TRPV1: variants seen among roughly 807,000 people sequenced by gnomAD.
The protein encoded by TRPV1 is transient receptor potential cation channel subfamily V member 1.
A neutral mutation model predicts 82.3 loss-of-function variants in TRPV1; 82 were observed. The observed-to-expected ratio is 1.00, with a 90% confidence interval of 0.83 to 1.20. The LOEUF (loss-of-function observed/expected upper bound fraction) is 1.20, where lower values mean the gene tolerates loss of function less well. Among genes scored for constraint, TRPV1 ranks in the 50% most tolerant of loss-of-function variants. The probability of loss-of-function intolerance (pLI) is 0.00; values close to 1 mark genes in which losing one functional copy is unlikely to be tolerated. For synonymous variants in TRPV1, 515 were observed against 467.7 expected (o/e 1.10, Z -1.30); for missense variants, 1,067 against 1,096.8 (o/e 0.97, Z 0.38).
At chr17:3,584,292 A>G (rs1166055421) in intron 9 of TRPV1, among the ~76,000 whole-genome samples, 1 of 151,386 alleles carries the variant, frequency 6.6e-6, no homozygotes, top group Admixed American at 6.6e-5. Context: ...AACAAAAAAA[A>G]AGAGGGAGGC....
intron 13 of TRPV1, among the ~76,000 whole-genome samples, chr17:3,574,316 G>A (rs750766298): frequency 1.1e-4 from 16 of 152,116 alleles, no homozygotes; most frequent in Non-Finnish European, 2.1e-4. Flanking sequence ...GCACTGAGCC[G>A]CTCAGAGCAG....
chr17:3,567,186 C>T (rs2074776366), intron 16 of TRPV1, among the ~76,000 whole-genome samples, 199 bp from the exon 17 acceptor site: 1 of 147,062 alleles, frequency 6.8e-6, no homozygotes, highest in African/African-American at 2.5e-5. Flanking sequence ...GGTGAAACCC[C>T]ATCTCTACTA....
chr17:3,587,475 C>CA (rs1449727452), intron 8 of TRPV1, among the ~76,000 whole-genome samples: 1 of 152,178 alleles, frequency 6.6e-6, no homozygotes. Context: ...CTAAGACATT[C>CA]ATTTGGAGCC....
At chr17:3,583,465 C>T (rs2075046882) in intron 9 of TRPV1, 35 bp from the exon 10 acceptor site, 1 of 1,501,784 alleles carries the variant, frequency 6.7e-7, no homozygotes, top group Non-Finnish European at 9.1e-7. Flanking sequence ...ACTCCATTTA[C>T]TCATTCGTTC....
Position 3,585,885 on chromosome 17 carries a change from G to A in TRPV1, c.1266C>T (p.Leu422=), listed in dbSNP as rs775734907. ...DMLLVEPLNR[L]LQDKWDRFVK... ...CGAATCTGTCCCACTTGTCCTGCAGGAGTCGGTTCAGCGGCTCCACCAAGA... is the reference window on the plus strand; with the variant it reads ...CGAATCTGTCCCACTTGTCCTGCAGAAGTCGGTTCAGCGGCTCCACCAAGA... The change falls in exon 9 of 17, where the codon CTC becomes CTT. Residue 422 remains leucine (L), a synonymous_variant. Coordinates refer to ENST00000572705, the MANE Select transcript of TRPV1 (RefSeq NM_080704.4). The A allele has an allele frequency of 6.2e-7, 1 of 1,613,900 alleles. No individual in the cohort carries two copies. The highest frequency in any genetic ancestry group is 8.5e-7 in the Non-Finnish European group (1 of 1,179,842).
intron 16 of TRPV1, among the ~76,000 whole-genome samples, chr17:3,567,248 T>C (rs1232348870): frequency 2.7e-5 from 4 of 148,334 alleles, no homozygotes; most frequent in African/African-American, 1.0e-4. Context: ...CACATGCCTG[T>C]AACCCCAGTA....
In TRPV1 at chr17:3,588,051, G is replaced by A. The variant is rs1182810048; in HGVS notation, c.1224+137C>T. On this transcript the variant is annotated intron_variant, in intron 8 of 16. Transcript: ENST00000572705. ...AATTCAGTGGGCATGAGTGGGGAAC[G>A]TGAGGCTGCAGGGCCTGGGCCCGGG... 2.2e-5 allele frequency: 21 copies of A among 958,984 alleles called. No homozygotes were observed. In the East Asian group the frequency reaches 3.2e-4, roughly 15 times the overall value. 59.4% of individuals were successfully genotyped at this position (958,984 alleles called of 1,614,324 possible).
In TRPV1 at chr17:3,572,250, C is replaced by T; in HGVS notation, c.2104-1G>A. ...CCGTGTCCAGGATGGTGATGGCTCT[C>T]TGCAGGAAGACACCAAGGGCAGAGG... On this transcript the variant is annotated splice_acceptor_variant, in intron 14 of 16. Transcript: ENST00000572705. LOFTEE classifies it high-confidence loss of function. 3 of 1,607,106 alleles carry T rather than the reference C, an allele frequency of 1.9e-6. No individual in the cohort carries two copies. The highest frequency in any genetic ancestry group is 1.7e-6 in the Non-Finnish European group (2 of 1,176,840).
At chr17:3,572,896 C>T (rs546791945) in intron 14 of TRPV1, among the ~76,000 whole-genome samples, 27 of 143,940 alleles carry the variant, frequency 1.9e-4, no homozygotes, top group African/African-American at 4.8e-4. Flanking sequence ...GGCAGAAGAA[C>T]CGCTTGAAGT....
In TRPV1 at chr17:3,597,672, C is replaced by CTTT. The variant is rs34662119; in HGVS notation, c.-33-5292_-33-5290dup. Among the ~76,000 whole-genome samples, 153 of 117,910 alleles carry CTTT rather than the reference C, an allele frequency of 1.3e-3. 4 individuals are homozygous for CTTT. The highest frequency in any genetic ancestry group is 4.8e-3 in the African/African-American group (137 of 28,776). The allele number at this position is 117,910 out of a possible 152,430, so 77.4% of individuals were successfully genotyped here. ...CACAGATAACTATCAGTGTCATTTC[C>CTTT]TTTTTTTTTTTTTTTTTTTGAGACA... On this transcript the variant is annotated intron_variant, in intron 2 of 16. Coordinates refer to ENST00000572705, the MANE Select transcript of TRPV1 (RefSeq NM_080704.4).
chr17:3,599,463 A>G lies in TRPV1; in HGVS notation c.-33-7080T>C, dbSNP rs147675749. Among the ~76,000 whole-genome samples, 919 of 151,884 alleles carry G rather than the reference A, an allele frequency of 6.1e-3. 5 individuals carry two copies. Among genetic ancestry groups the G allele is most frequent in the Non-Finnish European group, 9.3e-3 (635 of 67,922 alleles). On this transcript the variant is annotated intron_variant, in intron 2 of 16. Coordinates refer to ENST00000572705, the MANE Select transcript of TRPV1 (RefSeq NM_080704.4). ...TCCCGACCCCAACCCCCTAACGACC[A>G]CCATTCAACTTCCTGTCTTTATGAA... is the stretch of plus-strand genomic sequence containing the variant.
chr17:3,589,546 T>A (rs1020044531), intron 7 of TRPV1, among the ~76,000 whole-genome samples: 1 of 152,100 alleles, frequency 6.6e-6, no homozygotes, highest in African/African-American at 2.4e-5. Context: ...CCTCCTCCAT[T>A]GCCCAGCACC....
chr17:3,599,491 TAACTA>T (rs2075246249), intron 2 of TRPV1, among the ~76,000 whole-genome samples: 1 of 151,768 alleles, frequency 6.6e-6, no homozygotes, highest in African/African-American at 2.4e-5. Context: ...TTTATGAATT[TAACTA>T]TTCTAGGAGT....
At chr17:3,571,732 A>G in intron 15 of TRPV1, 93 bp from the exon 16 acceptor site, 1 of 970,092 alleles carries the variant, frequency 1.0e-6, no homozygotes, top group Non-Finnish European at 1.6e-6. Context: ...AAACCCACCC[A>G]TCAGGATGGA....
intron 2 of TRPV1, among the ~76,000 whole-genome samples, chr17:3,605,101 G>C (rs561129931): frequency 2.2e-4 from 33 of 152,322 alleles, no homozygotes; most frequent in African/African-American, 7.7e-4. Flanking sequence ...TTGCTAAAGA[G>C]AGTGGGTTCG....
chr17:3,598,597 G>A (rs997042478), intron 2 of TRPV1, among the ~76,000 whole-genome samples: 10 of 129,256 alleles, frequency 7.7e-5, no homozygotes, highest in Non-Finnish European at 1.2e-4. Context: ...ATGGTGTCTC[G>A]CTCTGTCTCC....
intron 10 of TRPV1, among the ~76,000 whole-genome samples, chr17:3,581,528 T>A (rs948610783): frequency 3.3e-5 from 5 of 151,190 alleles, no homozygotes; most frequent in Non-Finnish European, 5.9e-5. Flanking sequence ...AACAATTCCA[T>A]AAAGGTGAGT....
At chr17:3,591,624 G>C (rs2075158969) in intron 3 of TRPV1, among the ~76,000 whole-genome samples, 1 of 152,210 alleles carries the variant, frequency 6.6e-6, no homozygotes, top group South Asian at 2.1e-4. Context: ...TTCTCTGCCT[G>C]CTCGGGAGCT....
Position 3,566,928 on chromosome 17 carries a change from G to C in TRPV1, c.2407C>G (p.Arg803Gly), listed in dbSNP as rs202102886. The change falls in exon 17 of 17, where the codon CGA becomes GGA. Residue 803 changes from arginine to glycine, a missense_variant. Transcript: ENST00000572705. Reference protein sequence around the residue: ...LVPLLREASARDRQSAQPEEV... With the variant: ...LVPLLREASAGDRQSAQPEEV... ...TCGGGCTGAGCAGACTGCCTATCTC[G>C]AGCACTTGCCTCTCTTAAAAGGGGG... is the stretch of plus-strand genomic sequence containing the variant. 2.5e-5 allele frequency: 40 copies of C among 1,613,802 alleles called. No homozygotes were observed. The highest frequency in any genetic ancestry group is 2.2e-5 in the East Asian group (1 of 44,896).
Sources: allele counts gnomAD v4.1 joint callset (sites outside exome capture counted in the v4.1 genomes callset), GRCh38; gene constraint gnomAD v4.1.1; transcripts MANE v1.5; gene names NCBI Gene and HGNC (gene_info 2026-07-23, HGNC 2026-07-21).